The following PPM1B variants were observed in gnomAD, a reference collection of about 807,000 sequenced individuals.
PPM1B encodes the protein protein phosphatase, Mg2+/Mn2+ dependent 1B.
A neutral mutation model predicts 43.0 loss-of-function variants in PPM1B; 22 were observed. That is an observed-to-expected ratio of 0.51 (90% confidence interval 0.37 to 0.73). PPM1B has a LOEUF of 0.73. PPM1B is among the 30% of genes least tolerant of loss of function. The pLI is 0.00. For missense variants in PPM1B, 632 were observed against 584.2 expected (o/e 1.08, Z -0.84); for synonymous variants, 217 against 197.9 (o/e 1.10, Z -0.81).
At chr2:44,232,373 A>G (rs1415740203), downstream of PPM1B, 3 of 1,602,072 alleles carry the variant, frequency 1.9e-6, no homozygotes, top group African/African-American at 2.7e-5. Context: ...AATGCTTTTG[A>G]TTCTGAAAAT....
rs951951036 is a variant in PPM1B at position 44,221,191 on chromosome 2, T to C, written c.1134+2654T>C. 8.5e-5 allele frequency among the ~76,000 whole-genome samples: 13 copies of C among 152,236 alleles called. No individual in the cohort carries two copies. In the East Asian group the frequency reaches 1.2e-3, roughly 13 times the overall value. Reference sequence around the variant, plus strand: ...AGACCAAATGGTAACTGTAGACTTATTATCATTACATAGATATGTGGATTA... The same window carrying C: ...AGACCAAATGGTAACTGTAGACTTACTATCATTACATAGATATGTGGATTA... On this transcript the variant is annotated intron_variant, in intron 5 of 5. Transcript: ENST00000282412.
intron 3 of PPM1B, among the ~76,000 whole-genome samples, chr2:44,215,746 G>C (rs1669690409): frequency 6.6e-6 from 1 of 152,166 alleles, no homozygotes; most frequent in Non-Finnish European, 1.5e-5. Flanking sequence ...ATGTGTCACT[G>C]AGGATATAGC....
chr2:44,181,110 A>G (rs1160028525), intron 1 of PPM1B, among the ~76,000 whole-genome samples: 2 of 152,066 alleles, frequency 1.3e-5, no homozygotes, highest in Non-Finnish European at 2.9e-5. Flanking sequence ...ATACCTGGCT[A>G]ATTTTTAAAT....
At chr2:44,178,804 A>G (rs1475832848) in intron 1 of PPM1B, among the ~76,000 whole-genome samples, 1 of 152,178 alleles carries the variant, frequency 6.6e-6, no homozygotes, top group Non-Finnish European at 1.5e-5. Context: ...GTGCTGTCCT[A>G]TATAAATGTA....
intron 5 of PPM1B, among the ~76,000 whole-genome samples, chr2:44,226,971 T>TATTTATTTATTA (rs756776044): frequency 7.0e-6 from 1 of 142,616 alleles, no homozygotes; most frequent in Admixed American, 6.8e-5. Context: ...TTTATTTATT[T>TATTTATTTATTA]ATGAATGAAT....
chr2:44,230,071 T>A, intron 5 of PPM1B: 1 of 1,541,798 alleles, frequency 6.5e-7, no homozygotes, highest in South Asian at 1.3e-5. Flanking sequence ...TTTTCTTTTG[T>A]ACTAAATCAT....
At chr2:44,216,145 G>A (rs898751807) in intron 3 of PPM1B, among the ~76,000 whole-genome samples, 2 of 152,176 alleles carry the variant, frequency 1.3e-5, no homozygotes, top group African/African-American at 2.4e-5. Context: ...GTTGCTGTAT[G>A]GAGAAGAGAT....
chr2:44,218,185 T>C, intron 4 of PPM1B, 107 bp downstream of exon 4: 1 of 813,024 alleles, frequency 1.2e-6, no homozygotes, highest in Non-Finnish European at 2.0e-6. Flanking sequence ...AGAGGTGAAA[T>C]GGGTTAGTGT....
At chr2:44,190,685 A>G (rs900915044) in intron 1 of PPM1B, among the ~76,000 whole-genome samples, 5 of 152,248 alleles carry the variant, frequency 3.3e-5, no homozygotes, top group Non-Finnish European at 5.9e-5. Context: ...CTGTTAAAAC[A>G]GAAGTGACAT....
intron 1 of PPM1B, among the ~76,000 whole-genome samples, chr2:44,179,161 G>A (rs1040601339): frequency 3.3e-5 from 5 of 152,058 alleles, no homozygotes; most frequent in Admixed American, 6.6e-5. Flanking sequence ...CTCTCTCTTT[G>A]CCTGCTGCCA....
rs1446366715 is a variant in PPM1B, at chr2:44,228,123, C to T, written c.1135-2290C>T. On this transcript the variant is annotated intron_variant, in intron 5 of 5. Coordinates refer to ENST00000282412, the MANE Select transcript of PPM1B (RefSeq NM_002706.6). The stretch of plus-strand genomic sequence containing the variant: ...ATTTTTAGTAGAGATAGGGTTTCAC[C>T]ATCTTGGCCAGGCTGGTCTTGAATT... 2.7e-5 allele frequency among the ~76,000 whole-genome samples: 4 copies of T among 150,538 alleles called. No individual in the cohort carries two copies. In the South Asian group the frequency reaches 6.3e-4, roughly 24 times the overall value.
intron 1 of PPM1B, among the ~76,000 whole-genome samples, chr2:44,170,646 C>T (rs1473136880): frequency 1.3e-5 from 2 of 152,192 alleles, no homozygotes; most frequent in East Asian, 3.8e-4. Context: ...CATTTACTTT[C>T]TCTGTTGTGC....
chr2:44,219,058 A>G (rs576679910), intron 5 of PPM1B: 130 of 281,554 alleles, frequency 4.6e-4, no homozygotes, highest in Non-Finnish European at 7.6e-4. Flanking sequence ...TTTCTGTTGT[A>G]CCTTGCTGTA....
At chr2:44,225,814 G>T (rs139139434) in intron 5 of PPM1B, among the ~76,000 whole-genome samples, 1 of 151,682 alleles carries the variant, frequency 6.6e-6, no homozygotes, top group African/African-American at 2.4e-5. Flanking sequence ...GCACCACCAC[G>T]CCTGGCTAAT....
downstream of PPM1B, among the ~76,000 whole-genome samples, chr2:44,236,641 A>C (rs1283622868): frequency 1.4e-4 from 21 of 152,168 alleles, no homozygotes; most frequent in Admixed American, 1.4e-3. Context: ...ATATTTTCTG[A>C]AACCTTGGAA....
downstream of PPM1B, chr2:44,232,354 A>G (rs751099994): frequency 1.9e-6 from 3 of 1,604,984 alleles, no homozygotes; most frequent in Middle Eastern, 1.7e-4. Context: ...AGCCTTAAAA[A>G]CCTTCTAAAA....
chr2:44,226,735 CTTTTTT>C (rs60750702), intron 5 of PPM1B, among the ~76,000 whole-genome samples: 3 of 66,684 alleles, frequency 4.5e-5, no homozygotes, highest in Admixed American at 2.3e-4. Flanking sequence ...AGGTTTTTAT[CTTTTTT>C]TTTTTTTTTT....
intron 5 of PPM1B, among the ~76,000 whole-genome samples, chr2:44,241,807 A>T (rs1670750352): frequency 6.6e-6 from 1 of 151,930 alleles, no homozygotes; most frequent in East Asian, 1.9e-4. Context: ...ATGTAAGATT[A>T]AAAAAAGATC....
rs1669804917 is a variant in PPM1B at position 44,218,043 on chromosome 2, C to T, written c.1041C>T (p.Ile347=). The change falls in exon 4 of 6, where the codon ATC becomes ATT. Residue 347 remains isoleucine, a synonymous_variant. Coordinates refer to ENST00000282412, the MANE Select transcript of PPM1B (RefSeq NM_002706.6). Reference sequence around the variant, plus strand: ...TGCGCATCTTGTCTGCAGAAAATATCCCAAATTTGCCTCCTGGGGGAGGTC... The same window carrying T: ...TGCGCATCTTGTCTGCAGAAAATATTCCAAATTTGCCTCCTGGGGGAGGTC... ...HVMRILSAEN[I]PNLPPGGGLA... is the part of the protein sequence containing the mutation. 1 of 1,612,732 alleles carries T rather than the reference C, an allele frequency of 6.2e-7. No homozygotes were observed. Among genetic ancestry groups the T allele is most frequent in the Non-Finnish European group, 8.5e-7 (1 of 1,179,562 alleles).
Sources: gnomAD v4.1 joint callset for allele counts (sites outside exome capture counted in the v4.1 genomes callset) on GRCh38, gnomAD v4.1.1 for gene constraint, MANE v1.5 for transcripts, NCBI Gene and HGNC (gene_info 2026-07-23, HGNC 2026-07-21) for gene names.